The following FBXO28 variants were observed in gnomAD, a reference collection of about 807,000 sequenced individuals.
FBXO28 encodes the protein F-box protein 28, also known as F-box only protein 28.
Under a neutral mutation model 38.1 loss-of-function variants are expected in FBXO28, and 8 were observed. The ratio of observed to expected loss-of-function variants is 0.21; its 90% CI spans 0.12 to 0.38. FBXO28 has a LOEUF of 0.38. Ranked by LOEUF, FBXO28 falls within the 10% of genes least tolerant of loss-of-function variation. The pLI is 1.00. For missense variants in FBXO28, 345 were observed against 460.6 expected, an observed-to-expected ratio of 0.75 and a Z score of 2.30; for synonymous variants, 168 against 173.8, an observed-to-expected ratio of 0.97 and a Z score of 0.26.
At chr1:224,154,973 G>A (rs1305932993) in intron 4 of FBXO28, among the ~76,000 whole-genome samples, 2 of 106,962 alleles carry the variant, frequency 1.9e-5, no homozygotes, top group Non-Finnish European at 4.4e-5. Flanking sequence ...GTGAGACTCC[G>A]TCTCAAAAAA....
intron 4 of FBXO28, among the ~76,000 whole-genome samples, chr1:224,155,191 A>C (rs964765658): frequency 6.6e-6 from 1 of 151,626 alleles, no homozygotes; most frequent in Non-Finnish European, 1.5e-5. Context: ...TTTGAGATGG[A>C]GTCTCACTCT....
Position 224,159,368 on chromosome 1 carries a change from C to T in FBXO28, c.*1622C>T, listed in dbSNP as rs1362288605. On this transcript the variant is annotated 3_prime_UTR_variant, in exon 5 of 5. Transcript: ENST00000366862. ...CCTCACCAAATGAAGCTTTTTCTAT[C>T]CATTTTTAATATTGTCCTTACATAA... The T allele has an allele frequency of 6.6e-6, 1 of 152,234 alleles. No individual in the cohort carries two copies. Among genetic ancestry groups the T allele is most frequent in the Admixed American group, 6.6e-5 (1 of 15,232 alleles). The allele number at this position is 152,234 out of a possible 1,614,324, so 9.4% of individuals were successfully genotyped here. A position where few individuals can be genotyped will look rare whatever the true frequency, so the allele number is the denominator to read the frequency against.
intron 3 of FBXO28, among the ~76,000 whole-genome samples, chr1:224,150,937 G>A (rs1219301576): frequency 6.6e-6 from 1 of 152,062 alleles, no homozygotes; most frequent in Non-Finnish European, 1.5e-5. Flanking sequence ...AAAGTGACAA[G>A]TACATAGTAA....
intron 1 of FBXO28, among the ~76,000 whole-genome samples, chr1:224,118,264 A>T (rs10799478): frequency 0.52 from 78,222 of 150,152 alleles, 21,194 homozygotes; most frequent in South Asian, 0.62. Context: ...AGGGTAAAAA[A>T]TTTTTTTTCT....
intron 4 of FBXO28, 100 bp from the exon 5 acceptor site, chr1:224,157,252 G>A: frequency 1.4e-6 from 2 of 1,382,464 alleles, no homozygotes; most frequent in Admixed American, 2.4e-5. Flanking sequence ...GAAATTATCA[G>A]AAGTGACATA....
In FBXO28 at chr1:224,161,403, C is replaced by T. The variant is rs371840418; in HGVS notation, c.*3657C>T. On this transcript the variant is annotated 3_prime_UTR_variant, in exon 5 of 5. Coordinates refer to ENST00000366862, the MANE Select transcript of FBXO28 (RefSeq NM_015176.4). ...TAAAAGGCAGTCTGAAAGAAAACGTCCTATACGATGCAGTTGTTTGGAAAT... is the reference window on the plus strand; with the variant it reads ...TAAAAGGCAGTCTGAAAGAAAACGTTCTATACGATGCAGTTGTTTGGAAAT... 2 of 152,156 alleles carry T rather than the reference C, an allele frequency of 1.3e-5. No individual in the cohort carries two copies. The highest frequency in any genetic ancestry group is 4.8e-5 in the African/African-American group (2 of 41,420). The allele number at this position is 152,156 out of a possible 1,614,324, so 9.4% of individuals were successfully genotyped here.
intron 1 of FBXO28, among the ~76,000 whole-genome samples, chr1:224,128,983 C>CA (rs11309343): frequency 0.6 from 58,958 of 98,086 alleles, 17,905 homozygotes; most frequent in Non-Finnish European, 0.68. Context: ...AAGACCCTGT[C>CA]AAAAAAAAAA....
chr1:224,136,517 G>T (rs984722267), intron 3 of FBXO28, among the ~76,000 whole-genome samples: 4 of 151,146 alleles, frequency 2.6e-5, no homozygotes, highest in African/African-American at 9.7e-5. Flanking sequence ...AGGTCAGGAG[G>T]TCCAGACCAT....
Position 224,157,917 on chromosome 1 carries a change from G to T in FBXO28, c.*171G>T, listed in dbSNP as rs1657809137. The T allele has an allele frequency of 4.2e-6, 6 of 1,415,088 alleles. No individual in the cohort carries two copies. Among genetic ancestry groups the T allele is most frequent in the Non-Finnish European group, 4.6e-6 (5 of 1,091,798 alleles). The allele number at this position is 1,415,088 out of a possible 1,614,324, so 87.7% of individuals were successfully genotyped here. ...CATTCTTTTCCTGCTTCTCCTGATT[G>T]AACTGATGCACAGAATCTTTTTACT... On this transcript the variant is annotated 3_prime_UTR_variant, in exon 5 of 5. Coordinates refer to ENST00000366862, the MANE Select transcript of FBXO28 (RefSeq NM_015176.4).
At chr1:224,142,700 A>G (rs1398187785) in intron 3 of FBXO28, among the ~76,000 whole-genome samples, 2 of 152,108 alleles carry the variant, frequency 1.3e-5, no homozygotes, top group Admixed American at 1.3e-4. Flanking sequence ...CTGTAATCCT[A>G]GCACTTCGGG....
chr1:224,137,758 G>A (rs61827699), intron 3 of FBXO28, among the ~76,000 whole-genome samples: 76,748 of 151,622 alleles, frequency 0.51, 20,889 homozygotes, highest in South Asian at 0.6. Flanking sequence ...CTGTGAGAGT[G>A]GGACTGATAA....
chr1:224,152,932 A>G (rs1657681382), intron 3 of FBXO28, among the ~76,000 whole-genome samples: 3 of 128,888 alleles, frequency 2.3e-5, no homozygotes, highest in African/African-American at 9.9e-5. Flanking sequence ...TCTCAAAAAA[A>G]AAAAAAAAAA....
chr1:224,117,635 G>A (rs1656673204), intron 1 of FBXO28, among the ~76,000 whole-genome samples: 1 of 152,182 alleles, frequency 6.6e-6, no homozygotes, highest in Admixed American at 6.5e-5. Context: ...TTGTGCTGAT[G>A]CAGCATTAGT....
chr1:224,135,924 A>T (rs778789983), intron 3 of FBXO28, among the ~76,000 whole-genome samples: 32 of 151,792 alleles, frequency 2.1e-4, no homozygotes, highest in African/African-American at 6.5e-4. Context: ...AATCCCAGCT[A>T]CTCGGGAGTC....
At chr1:224,121,243 A>G (rs1407956511) in intron 1 of FBXO28, among the ~76,000 whole-genome samples, 2 of 152,224 alleles carry the variant, frequency 1.3e-5, no homozygotes, top group Admixed American at 6.5e-5. Context: ...AACTGAGAAC[A>G]ATCCAAAAGG....
In FBXO28 at chr1:224,153,132, A is replaced by G. The variant is rs138941885; in HGVS notation, c.517-10A>G. 1.7e-4 allele frequency: 268 copies of G among 1,580,920 alleles called. 5 individuals carry two copies. The East Asian group carries it at 5.7e-3, about 33-fold the overall frequency. ...AAATCTAAAGTGCTAATGAGAATTCATTATTTTAGGTGATTGATGAGATTT... is the reference window on the plus strand; with the variant it reads ...AAATCTAAAGTGCTAATGAGAATTCGTTATTTTAGGTGATTGATGAGATTT... On this transcript the variant is annotated splice_polypyrimidine_tract_variant and intron_variant, in intron 3 of 4. Coordinates refer to ENST00000366862, the MANE Select transcript of FBXO28 (RefSeq NM_015176.4).
chr1:224,146,589 C>CTGTTTCTAGCTA (rs1657511715), intron 3 of FBXO28, among the ~76,000 whole-genome samples: 1 of 152,028 alleles, frequency 6.6e-6, no homozygotes, highest in Non-Finnish European at 1.5e-5. Flanking sequence ...TTTGTAGAGA[C>CTGTTTCTAGCTA]TGTTTCTAGC....
intron 4 of FBXO28, among the ~76,000 whole-genome samples, chr1:224,153,743 A>G (rs1657700409): frequency 6.6e-6 from 1 of 151,836 alleles, no homozygotes; most frequent in Admixed American, 6.6e-5. Context: ...CAACATGGTG[A>G]AACCCCGTAT....
At chr1:224,128,358 A>T (rs967509969) in intron 1 of FBXO28, among the ~76,000 whole-genome samples, 6 of 151,916 alleles carry the variant, frequency 3.9e-5, no homozygotes, top group Non-Finnish European at 8.8e-5. Flanking sequence ...ATTCTTAGAG[A>T]TCAAATCACA....
Sources: allele counts gnomAD v4.1 joint callset (sites outside exome capture counted in the v4.1 genomes callset), GRCh38; gene constraint gnomAD v4.1.1; transcripts MANE v1.5; gene names NCBI Gene and HGNC (gene_info 2026-07-23, HGNC 2026-07-21).